The following CCDC187 variants were observed in gnomAD, a reference collection of about 807,000 sequenced individuals.
CCDC187 encodes the protein coiled-coil domain containing 187.
In CCDC187, 32 loss-of-function variants were observed where a neutral mutation model predicts 38.0. The ratio of observed to expected loss-of-function variants is 0.84; its 90% CI spans 0.64 to 1.13. The LOEUF (loss-of-function observed/expected upper bound fraction) is 1.13, where lower values mean the gene tolerates loss of function less well. Among genes scored for constraint, CCDC187 ranks in the 50% most tolerant of loss-of-function variants. CCDC187 has a pLI of 0.00. For synonymous variants in CCDC187, 333 were observed against 347.9 expected (o/e 0.96, Z 0.48); for missense variants, 707 against 786.8 (o/e 0.90, Z 1.21).
rs1022650758 is a variant in CCDC187, at chr9:136,253,864, C to A, written c.5964G>T (p.Leu1988=). 18 of 985,116 alleles carry A rather than the reference C, an allele frequency of 1.8e-5. No individual in the cohort carries two copies. The highest frequency in any genetic ancestry group is 2.2e-5 in the Non-Finnish European group (18 of 829,846). 61.0% of individuals were successfully genotyped at this position (985,116 alleles called of 1,614,324 possible). The change falls in exon 26 of 26, where the codon CTG becomes CTT. Residue 1988 remains leucine, a synonymous_variant. Transcript: ENST00000638797. ...AGGACAGCAACTCGTCCACGGGAGA[C>A]AGGATCTCAGTCAAGACGTCACCGG... ...LLAGDVLTEI[L]SPVDELLSYG...
At chr9:136,275,644 C>T (rs1215726912) in intron 12 of CCDC187, among the ~76,000 whole-genome samples, 6 of 152,232 alleles carry the variant, frequency 3.9e-5, no homozygotes, top group African/African-American at 1.4e-4. Flanking sequence ...AGCCGTCAGC[C>T]ACCCGATCAA....
chr9:136,267,293 G>T (rs1000869380), intron 16 of CCDC187, 91 bp downstream of exon 16: 12 of 906,382 alleles, frequency 1.3e-5, no homozygotes, highest in Admixed American at 6.2e-5. Flanking sequence ...GACCCGGACG[G>T]GGCAGGGAGG....
intron 15 of CCDC187, chr9:136,267,847 C>G (rs1367265674): frequency 6.1e-6 from 6 of 984,984 alleles, no homozygotes; most frequent in Non-Finnish European, 6.0e-6. Context: ...ATGCCTGCCC[C>G]CCTCTGTCAC....
In CCDC187 at chr9:136,286,296, C is replaced by T. The variant is rs1001529679; in HGVS notation, c.2622G>A (p.Thr874=). Residue 874 remains threonine (T), a synonymous_variant, in exon 8 of 26, where the codon ACG becomes ACA. Transcript: ENST00000638797. ...GGGTGGCAAGCGTGGGGGTGGCGAG[C>T]GTGGGGGCGGCAGGTAGGCTGTGGG... The part of the protein sequence containing the change: ...SCPHSLPAAP[T]LATPTLATPA... 6.0e-5 allele frequency: 24 copies of T among 398,544 alleles called. No homozygotes were observed. Among genetic ancestry groups the T allele is most frequent in the East Asian group, 3.2e-4 (9 of 28,064 alleles). 24.7% of individuals were successfully genotyped at this position (398,544 alleles called of 1,614,324 possible).
chr9:136,282,751 G>A (rs1831076051), intron 9 of CCDC187, among the ~76,000 whole-genome samples: 1 of 152,220 alleles, frequency 6.6e-6, no homozygotes, highest in Non-Finnish European at 1.5e-5. Context: ...TCATGGTGGT[G>A]ACCCACCTCC....
chr9:136,288,917 G>A (rs1391691680), intron 7 of CCDC187, among the ~76,000 whole-genome samples: 1 of 152,212 alleles, frequency 6.6e-6, no homozygotes, highest in East Asian at 1.9e-4. Flanking sequence ...AGAGGTGCAC[G>A]TGCCCATGCA....
intron 12 of CCDC187, 98 bp downstream of exon 12, chr9:136,276,096 T>G (rs1830925873): frequency 6.6e-6 from 1 of 152,212 alleles, no homozygotes; most frequent in Admixed American, 6.5e-5. Flanking sequence ...GCACCCACTG[T>G]TCCTATGGAA....
At chr9:136,300,620 C>T (rs1467357268) in intron 2 of CCDC187, among the ~76,000 whole-genome samples, 2 of 149,312 alleles carry the variant, frequency 1.3e-5, no homozygotes, top group South Asian at 2.1e-4. Context: ...TTTTCTGAGG[C>T]GGAGACTAGC....
Position 136,290,663 on chromosome 9 carries a change from C to G in CCDC187, c.1950G>C (p.Arg650=). Residue 650 remains arginine, a synonymous_variant, in exon 6 of 26, where the codon CGG becomes CGC. Transcript: ENST00000638797. ...CCTTCTCCTCCAGGGCCTGCCGCCGCCGGGCCTGCGCCTTCTGGCGCATGA... is the reference window on the plus strand; with the variant it reads ...CCTTCTCCTCCAGGGCCTGCCGCCGGCGGGCCTGCGCCTTCTGGCGCATGA... ...REFMRQKAQA[R]RRQALEEKAS... 1 of 398,536 alleles carries G rather than the reference C, an allele frequency of 2.5e-6. No individual in the cohort carries two copies. Among genetic ancestry groups the G allele is most frequent in the Non-Finnish European group, 4.4e-6 (1 of 226,006 alleles). 24.7% of individuals were successfully genotyped at this position (398,536 alleles called of 1,614,324 possible).
chr9:136,292,185 C>T lies in CCDC187; in HGVS notation c.943G>A (p.Asp315Asn), dbSNP rs1831347987. Reference protein sequence around the residue: ...RRHHSKDPSRDPALTVDLGDS... With the variant: ...RRHHSKDPSRNPALTVDLGDS... ...CCTAAGTCCACGGTGAGAGCCGGGT[C>T]TCTCGAGGGATCCTTGCTATGGTGC... Residue 315 changes from aspartate (D) to asparagine (N), a missense_variant, in exon 5 of 26, where the codon GAC becomes AAC. Asp to Asn is a conservative substitution (Grantham distance 23). Coordinates refer to ENST00000638797, the MANE Select transcript of CCDC187 (RefSeq NM_001378188.1). 1 of 398,830 alleles carries T rather than the reference C, an allele frequency of 2.5e-6. No individual in the cohort carries two copies. The highest frequency in any genetic ancestry group is 2.1e-5 in the African/African-American group (1 of 48,750). The allele number at this position is 398,830 out of a possible 1,614,324, so 24.7% of individuals were successfully genotyped here.
chr9:136,270,046 A>C (rs782418359), intron 14 of CCDC187, among the ~76,000 whole-genome samples: 13 of 152,248 alleles, frequency 8.5e-5, no homozygotes, highest in Non-Finnish European at 1.8e-4. Context: ...CCAAAAGGAA[A>C]CAGAGAAGAA....
Position 136,259,430 on chromosome 9 carries a change from C to G in CCDC187, c.4229G>C (p.Arg1410Pro). 1.0e-6 allele frequency: 1 copy of G among 985,464 alleles called. No homozygotes were observed. Among genetic ancestry groups the G allele is most frequent in the Non-Finnish European group, 1.2e-6 (1 of 830,122 alleles). 61.0% of individuals were successfully genotyped at this position (985,464 alleles called of 1,614,324 possible). Residue 1410 changes from arginine (R) to proline (P), a missense_variant, in exon 21 of 26, where the codon CGG (arginine) becomes CCG (proline). Arg to Pro is a moderately radical substitution (Grantham distance 103). Transcript: ENST00000638797. ...HVSQEPGEQP[R>P]APLLGLQHVS... ...GTGCTGCAGGCCCAGCAGAGGGGCCCGAGGCTGCTCCCCAGGCTCTGAAAG... is the reference window on the plus strand; with the variant it reads ...GTGCTGCAGGCCCAGCAGAGGGGCCGGAGGCTGCTCCCCAGGCTCTGAAAG...
In CCDC187 at chr9:136,252,171, TCCACCCCGGGAAGAGCC is replaced by T. The variant is rs1564303404; in HGVS notation, c.*1406_*1422del. On this transcript the variant is annotated 3_prime_UTR_variant, in exon 26 of 26. Transcript: ENST00000638797. ...GGGGAAGAGCCGGCCGCCCACCCGGTCCACCCCGGGAAGAGCCGGCCGCCCACCCGGCCCACCCTGGG... is the reference window on the plus strand; with the variant it reads ...GGGGAAGAGCCGGCCGCCCACCCGGTGGCCGCCCACCCGGCCCACCCTGGG... 1 of 75,392 alleles carries T rather than the reference TCCACCCCGGGAAGAGCC, an allele frequency of 1.3e-5. No individual in the cohort carries two copies. The highest frequency in any genetic ancestry group is 2.8e-5 in the Non-Finnish European group (1 of 35,130). 4.7% of individuals were successfully genotyped at this position (75,392 alleles called of 1,614,324 possible). A position where few individuals can be genotyped will look rare whatever the true frequency, so the allele number is the denominator to read the frequency against.
intron 10 of CCDC187, chr9:136,281,319 G>A (rs1191909315): frequency 5.0e-6 from 2 of 397,864 alleles, no homozygotes; most frequent in East Asian, 7.2e-5. Context: ...TAAGCACGTG[G>A]GTCTCATCCA....
At chr9:136,294,281 CAT>C (rs1302377026) in intron 4 of CCDC187, among the ~76,000 whole-genome samples, 14 of 149,666 alleles carry the variant, frequency 9.4e-5, no homozygotes, top group African/African-American at 2.6e-4. Context: ...CACGCCCTCA[CAT>C]GTGCTCTCAC....
In CCDC187 at chr9:136,254,770, G is replaced by A. The variant is rs1830592794; in HGVS notation, c.5058C>T (p.Asn1686=). 1.0e-6 allele frequency: 1 copy of A among 985,422 alleles called. No homozygotes were observed. Among genetic ancestry groups the A allele is most frequent in the Admixed American group, 6.1e-5 (1 of 16,274 alleles). The allele number at this position is 985,422 out of a possible 1,614,324, so 61.0% of individuals were successfully genotyped here. The change falls in exon 26 of 26, where the codon AAC becomes AAT. Residue 1686 remains asparagine (N), a synonymous_variant. Transcript: ENST00000638797. ...EAGLPLSWRS[N]QGEPRPGSAP... Reference sequence around the variant, plus strand: ...CACTGCCTGGCCGAGGCTCACCCTGGTTTGACCGCCAGGACAAAGGCAGGC... The same window carrying A: ...CACTGCCTGGCCGAGGCTCACCCTGATTTGACCGCCAGGACAAAGGCAGGC...
At chr9:136,304,610 G>A (rs960058298), upstream of CCDC187, among the ~76,000 whole-genome samples, 34 of 152,180 alleles carry the variant, frequency 2.2e-4, no homozygotes, top group African/African-American at 8.2e-4. Flanking sequence ...CGGCAGTGTG[G>A]TGGGGAGGAC....
Position 136,263,759 on chromosome 9 carries a change from G to T in CCDC187, c.3775C>A (p.His1259Asn). ...QYLRHTQLFR[H>N]RDRKLLLQHQ... is the part of the protein sequence containing the mutation. ...TGCAGAAGCAGCTTCCTGTCCCGGT[G>T]CCTGAACAGCTGCGTGTGTCTCAGG... is the stretch of plus-strand genomic sequence containing the variant. Residue 1259 changes from histidine (H) to asparagine (N), a missense_variant, in exon 18 of 26, where the codon CAC becomes AAC. His to Asn is a moderately conservative substitution (Grantham distance 68). Coordinates refer to ENST00000638797, the MANE Select transcript of CCDC187 (RefSeq NM_001378188.1). The T allele has an allele frequency of 2.0e-6, 2 of 985,498 alleles. No individual in the cohort carries two copies. Among genetic ancestry groups the T allele is most frequent in the African/African-American group, 3.5e-5 (2 of 57,380 alleles). 61.0% of individuals were successfully genotyped at this position (985,498 alleles called of 1,614,324 possible). A position where few individuals can be genotyped will look rare whatever the true frequency, so the allele number is the denominator to read the frequency against.
intron 10 of CCDC187, among the ~76,000 whole-genome samples, chr9:136,277,881 G>A (rs1830963520): frequency 6.6e-6 from 1 of 152,180 alleles, no homozygotes; most frequent in African/African-American, 2.4e-5. Flanking sequence ...CCCAGAACCG[G>A]CAGCTCCTCC....
Sources: allele counts gnomAD v4.1 joint callset (sites outside exome capture counted in the v4.1 genomes callset), GRCh38; gene constraint gnomAD v4.1.1; transcripts MANE v1.5; gene names NCBI Gene and HGNC (gene_info 2026-07-23, HGNC 2026-07-21).